Variants in DLGAP1 observed in about 807,000 individuals in gnomAD.
The protein encoded by DLGAP1 is DLG associated protein 1.
Under a neutral mutation model 90.8 loss-of-function variants are expected in DLGAP1, and 11 were observed. That is an observed-to-expected ratio of 0.12 (90% CI 0.08 to 0.20). The LOEUF is 0.20. Ranked by LOEUF, DLGAP1 falls within the 10% of genes least tolerant of loss-of-function variation. The probability of loss-of-function intolerance (pLI) is 1.00; values close to 1 mark genes in which losing one functional copy is unlikely to be tolerated. For missense variants in DLGAP1, 1,050 were observed against 1,333.8 expected, an observed-to-expected ratio of 0.79 and a Z score of 3.31; for synonymous variants, 558 against 540.7, an observed-to-expected ratio of 1.03 and a Z score of -0.44.
At chr18:4,124,964 C>G (rs7242386) in intron 2 of DLGAP1, among the ~76,000 whole-genome samples, 3,128 of 152,216 alleles carry the variant, frequency 0.021, 118 homozygotes, top group African/African-American at 0.07. Context: ...ATCAGGGCCT[C>G]GAGCATGGCA....
At chr18:3,582,386 G>A in intron 7 of DLGAP1, 138 bp from the exon 8 acceptor site, 1 of 1,355,976 alleles carries the variant, frequency 7.4e-7, no homozygotes. Context: ...CCATTGACAG[G>A]CTGAGACCCC....
chr18:3,568,076 T>C (rs2145135789), intron 8 of DLGAP1, among the ~76,000 whole-genome samples: 2 of 152,230 alleles, frequency 1.3e-5, no homozygotes, highest in Middle Eastern at 6.8e-3. Context: ...TTTTTGTATT[T>C]TTAGTGGAGA....
chr18:3,773,028 T>C (rs1437281135), intron 5 of DLGAP1, among the ~76,000 whole-genome samples: 4 of 152,174 alleles, frequency 2.6e-5, no homozygotes, highest in Non-Finnish European at 4.4e-5. Flanking sequence ...TACTTGTGCT[T>C]TAAGATCAGG....
intron 1 of DLGAP1, among the ~76,000 whole-genome samples, chr18:4,305,572 C>T (rs2080231806): frequency 6.6e-6 from 1 of 151,048 alleles, no homozygotes; most frequent in Admixed American, 6.6e-5. Context: ...AAAGAAAAAC[C>T]ACAGGTCATT....
chr18:3,700,891 G>T (rs2061259363), intron 7 of DLGAP1, among the ~76,000 whole-genome samples: 2 of 150,778 alleles, frequency 1.3e-5, no homozygotes, highest in Admixed American at 6.6e-5. Flanking sequence ...TTACAGGGGT[G>T]AGCCATCACG....
At chr18:3,809,571 G>C (rs534272160) in intron 5 of DLGAP1, among the ~76,000 whole-genome samples, 1 of 152,294 alleles carries the variant, frequency 6.6e-6, no homozygotes, top group South Asian at 2.1e-4. Context: ...TGGCTCTCTT[G>C]CAACAGCCTG....
chr18:3,864,935 A>C (rs2070296546), intron 4 of DLGAP1, among the ~76,000 whole-genome samples: 1 of 152,080 alleles, frequency 6.6e-6, no homozygotes, highest in Non-Finnish European at 1.5e-5. Flanking sequence ...CTAGTAATTT[A>C]ACAAATAGTA....
intron 7 of DLGAP1, among the ~76,000 whole-genome samples, chr18:3,639,386 GAA>G: frequency 6.6e-6 from 1 of 151,812 alleles, no homozygotes. Flanking sequence ...GAAAAGAAAA[GAA>G]AAGAAAAGAA....
intron 10 of DLGAP1, among the ~76,000 whole-genome samples, chr18:3,523,345 C>G (rs1243200051): frequency 6.6e-6 from 1 of 151,378 alleles, no homozygotes; most frequent in East Asian, 1.9e-4. Flanking sequence ...CTACCGCACT[C>G]CAGCCTGGGC....
intron 4 of DLGAP1, 95 bp from the exon 5 acceptor site, chr18:3,814,368 T>TG: frequency 8.1e-7 from 1 of 1,234,558 alleles, no homozygotes; most frequent in Non-Finnish European, 1.1e-6. Flanking sequence ...TCTATTTTTT[T>TG]TTTTTTTTTT....
intron 2 of DLGAP1, among the ~76,000 whole-genome samples, chr18:4,032,304 T>C (rs979324037): frequency 6.6e-6 from 1 of 152,128 alleles, no homozygotes; most frequent in Non-Finnish European, 1.5e-5. Flanking sequence ...CAACTACTAA[T>C]TAAAGGGTCT....
At chr18:3,599,341 C>CA (rs1354573086) in intron 7 of DLGAP1, among the ~76,000 whole-genome samples, 1 of 152,244 alleles carries the variant, frequency 6.6e-6, no homozygotes, top group African/African-American at 2.4e-5. Context: ...TGGGCATGCC[C>CA]AGCAAGGTCT....
At chr18:4,226,915 G>T (rs2078201906) in intron 1 of DLGAP1, among the ~76,000 whole-genome samples, 2 of 151,768 alleles carry the variant, frequency 1.3e-5, no homozygotes, top group Non-Finnish European at 2.9e-5. Flanking sequence ...GACATAGAGT[G>T]ACTGAATAGA....
chr18:3,884,066 G>A (rs997920803), intron 3 of DLGAP1, among the ~76,000 whole-genome samples: 22 of 152,178 alleles, frequency 1.4e-4, no homozygotes, highest in African/African-American at 4.6e-4. Flanking sequence ...GGTAAAAAAC[G>A]TGTCCACTGG....
intron 1 of DLGAP1, among the ~76,000 whole-genome samples, chr18:4,357,398 C>T (rs982532946): frequency 6.6e-6 from 1 of 152,012 alleles, no homozygotes; most frequent in Non-Finnish European, 1.5e-5. Context: ...AAATGATCCA[C>T]CCGCCTCGGC....
chr18:4,432,103 G>T (rs72866371), intron 1 of DLGAP1, among the ~76,000 whole-genome samples: 1 of 152,134 alleles, frequency 6.6e-6, no homozygotes, highest in Non-Finnish European at 1.5e-5. Flanking sequence ...CAACGTGAAA[G>T]TTAAAATCTC....
chr18:4,400,356 A>T (rs2082529104), intron 1 of DLGAP1, among the ~76,000 whole-genome samples: 1 of 152,374 alleles, frequency 6.6e-6, no homozygotes, highest in African/African-American at 2.4e-5. Flanking sequence ...TGTCTCATAA[A>T]GGACAATTCC....
intron 9 of DLGAP1, among the ~76,000 whole-genome samples, chr18:3,556,724 G>T (rs1230824425): frequency 6.6e-6 from 1 of 152,142 alleles, no homozygotes. Context: ...AAATAACCAC[G>T]TGCAGGATTT....
At chr18:4,444,795 T>C (rs2083620712) in intron 1 of DLGAP1, among the ~76,000 whole-genome samples, 1 of 152,222 alleles carries the variant, frequency 6.6e-6, no homozygotes, top group African/African-American at 2.4e-5. Flanking sequence ...TTGCTCACCA[T>C]GAACCCAACT....
Sources: gnomAD v4.1 joint callset for allele counts (sites outside exome capture counted in the v4.1 genomes callset) on GRCh38, gnomAD v4.1.1 for gene constraint, MANE v1.5 for transcripts, NCBI Gene and HGNC (gene_info 2026-07-23, HGNC 2026-07-21) for gene names.